The following DNAH6 variants were observed in gnomAD, a reference collection of about 807,000 sequenced individuals.
DNAH6 encodes the protein dynein axonemal heavy chain 6, also known as axonemal beta dynein heavy chain 6.
DNAH6 carries 340 observed loss-of-function variants against 491.4 expected under a neutral mutation model. That is an observed-to-expected ratio of 0.69 (90% CI 0.63 to 0.76). The LOEUF (loss-of-function observed/expected upper bound fraction) is 0.76. DNAH6 is among the 30% of genes least tolerant of loss of function. DNAH6 has a pLI of 0.00. For missense variants in DNAH6, 4,443 were observed against 4,972.2 expected, an observed-to-expected ratio of 0.89 and a Z score of 3.20; for synonymous variants, 1,603 against 1,686.1, an observed-to-expected ratio of 0.95 and a Z score of 1.21.
intron 64 of DNAH6, among the ~76,000 whole-genome samples, chr2:84,772,309 CAT>C (rs1675705836): frequency 6.6e-6 from 1 of 151,938 alleles, no homozygotes; most frequent in Admixed American, 6.6e-5. Flanking sequence ...AAGGATATGA[CAT>C]GTAAAAAAAT....
chr2:84,713,494 G>C (rs998768153), intron 57 of DNAH6, among the ~76,000 whole-genome samples: 1 of 152,134 alleles, frequency 6.6e-6, no homozygotes, highest in Non-Finnish European at 1.5e-5. Context: ...CTACCCACTG[G>C]GGCCCAGGCC....
In DNAH6 at chr2:84,763,052, G is replaced by A. The variant is rs563764902; in HGVS notation, c.10703+107G>A. The A allele has an allele frequency of 3.9e-4, 312 of 796,944 alleles. 9 individuals carry two copies. In the South Asian group the frequency reaches 5.3e-3, roughly 14 times the overall value. The allele number at this position is 796,944 out of a possible 1,614,324, so 49.4% of individuals were successfully genotyped here. On this transcript the variant is annotated intron_variant, in intron 64 of 76. Coordinates refer to ENST00000389394, the MANE Select transcript of DNAH6 (RefSeq NM_001370.2). ...GTAGAGCATAAATTCTTACATTCAG[G>A]TATCACTTACTACATAAATTTAAGA...
At chr2:84,601,090 T>TG (rs1685202033) in intron 18 of DNAH6, among the ~76,000 whole-genome samples, 1 of 149,932 alleles carries the variant, frequency 6.7e-6, no homozygotes, top group Admixed American at 6.7e-5. Flanking sequence ...TAGAAATGGC[T>TG]GATTATATGG....
At chr2:84,677,168 G>A (rs1693320015) in intron 41 of DNAH6, 32 bp downstream of exon 41, 2 of 1,551,124 alleles carry the variant, frequency 1.3e-6, no homozygotes, top group Non-Finnish European at 1.7e-6. Context: ...GGCAACAGGA[G>A]GAAAAGAAAG....
the DNAH6 span, among the ~76,000 whole-genome samples, chr2:84,484,514 G>A: frequency 6.6e-6 from 1 of 152,162 alleles, no homozygotes; most frequent in African/African-American, 2.4e-5. Flanking sequence ...GAGGTTGTGG[G>A]GGAAAGTTTC....
chr2:84,493,358 C>T, the DNAH6 span, among the ~76,000 whole-genome samples: 1 of 152,152 alleles, frequency 6.6e-6, no homozygotes, highest in African/African-American at 2.4e-5. Context: ...TGCCCCATGT[C>T]ATGTCAATAC....
At chr2:84,599,999 A>G (rs1315092500) in intron 18 of DNAH6, among the ~76,000 whole-genome samples, 1 of 152,166 alleles carries the variant, frequency 6.6e-6, no homozygotes, top group African/African-American at 2.4e-5. Flanking sequence ...TGAATTTTCC[A>G]TATGCACTTT....
intron 18 of DNAH6, among the ~76,000 whole-genome samples, chr2:84,603,629 C>T (rs895778256): frequency 6.6e-6 from 1 of 152,110 alleles, no homozygotes; most frequent in Non-Finnish European, 1.5e-5. Context: ...CACAGGTGCT[C>T]CTCCCCCTTT....
intron 16 of DNAH6, among the ~76,000 whole-genome samples, chr2:84,589,968 C>T (rs1361848893): frequency 2.0e-5 from 3 of 152,076 alleles, no homozygotes; most frequent in Admixed American, 6.6e-5. Flanking sequence ...GCACCTGTCT[C>T]TTCAGAGCCC....
intron 18 of DNAH6, among the ~76,000 whole-genome samples, chr2:84,600,280 A>G (rs1299778532): frequency 6.6e-6 from 1 of 152,198 alleles, no homozygotes; most frequent in African/African-American, 2.4e-5. Context: ...CAATAATACC[A>G]AGGGTTCCCA....
intron 10 of DNAH6, among the ~76,000 whole-genome samples, chr2:84,557,098 C>G (rs1161905747): frequency 1.3e-5 from 2 of 152,174 alleles, no homozygotes; most frequent in Non-Finnish European, 2.9e-5. Flanking sequence ...AGAATATAAA[C>G]TTTGAACCCT....
rs577793487 is a variant in DNAH6 at position 84,573,498 on chromosome 2, G to A, written c.1835G>A (p.Arg612His). 2.2e-5 allele frequency: 35 copies of A among 1,588,300 alleles called. No homozygotes were observed. The highest frequency in any genetic ancestry group is 1.6e-4 in the East Asian group (7 of 43,680). The change falls in exon 12 of 77, where the codon CGC (arginine) becomes CAC (histidine). Residue 612 changes from arginine to histidine, a missense_variant. By Grantham distance (29) the Arg-to-His change is conservative (BLOSUM62 0). Transcript: ENST00000389394. ...ATTCAGGCCGCATTTGAATCAGCCCGCATCTATGCAGCTACCTTTGAAAAG... is the reference window on the plus strand; with the variant it reads ...ATTCAGGCCGCATTTGAATCAGCCCACATCTATGCAGCTACCTTTGAAAAG... Reference protein sequence around the residue: ...ETIQAAFESARIYAATFEKFQ... With the variant: ...ETIQAAFESAHIYAATFEKFQ...
At chr2:84,745,005 A>T in intron 62 of DNAH6, 75 bp from the exon 63 acceptor site, 1 of 1,032,516 alleles carries the variant, frequency 9.7e-7, no homozygotes. Context: ...AGATATTTTT[A>T]AATTACCAAA....
At chr2:84,678,492 G>C (rs1693468800) in intron 41 of DNAH6, among the ~76,000 whole-genome samples, 1 of 152,160 alleles carries the variant, frequency 6.6e-6, no homozygotes, top group Non-Finnish European at 1.5e-5. Context: ...AGAAGAGACT[G>C]AATTTGCAAT....
intron 32 of DNAH6, among the ~76,000 whole-genome samples, 155 bp from the exon 33 acceptor site, chr2:84,641,792 C>G (rs536000617): frequency 5.6e-4 from 86 of 152,284 alleles, no homozygotes; most frequent in Non-Finnish European, 1.1e-3. Context: ...TCAGTATGCT[C>G]TGATGGAGAT....
At chr2:84,541,253 G>C (rs1678213426) in intron 4 of DNAH6, among the ~76,000 whole-genome samples, 1 of 152,116 alleles carries the variant, frequency 6.6e-6, no homozygotes, top group African/African-American at 2.4e-5. Flanking sequence ...GTAGATCTGG[G>C]GGATGACCTC....
At chr2:84,754,731 T>C (rs774694385) in intron 63 of DNAH6, among the ~76,000 whole-genome samples, 7 of 152,224 alleles carry the variant, frequency 4.6e-5, no homozygotes, top group African/African-American at 9.6e-5. Flanking sequence ...CCTCCAACTT[T>C]GTTTTCCTTT....
At chr2:84,807,789 T>C (rs747781722) in intron 71 of DNAH6, among the ~76,000 whole-genome samples, 3 of 152,122 alleles carry the variant, frequency 2.0e-5, no homozygotes, top group Admixed American at 6.6e-5. Context: ...TCATTCCACA[T>C]TGGAGACCTT....
chr2:84,628,032 C>G (rs1688042036), intron 29 of DNAH6, among the ~76,000 whole-genome samples: 1 of 152,188 alleles, frequency 6.6e-6, no homozygotes, highest in Admixed American at 6.5e-5. Context: ...AGAGCCTTCT[C>G]TCTAGAACCT....
Sources: gnomAD v4.1 joint callset for allele counts (sites outside exome capture counted in the v4.1 genomes callset) on GRCh38, gnomAD v4.1.1 for gene constraint, MANE v1.5 for transcripts, NCBI Gene and HGNC (gene_info 2026-07-23, HGNC 2026-07-21) for gene names.